BAIAP2: variants seen among roughly 807,000 people sequenced by gnomAD.
BAIAP2 encodes BAR/IMD domain containing adaptor protein 2, also known as BAR/IMD domain-containing adapter protein 2.
Under a neutral mutation model 63.0 loss-of-function variants are expected in BAIAP2, and 18 were observed. The ratio of observed to expected loss-of-function variants is 0.29; its 90% CI spans 0.20 to 0.42. BAIAP2 has a LOEUF of 0.42. Among genes scored for constraint, BAIAP2 ranks in the 10% least tolerant of loss-of-function variants. BAIAP2 has a pLI of 1.00. For synonymous variants in BAIAP2, 386 were observed against 307.6 expected (o/e 1.25, Z -2.67); for missense variants, 610 against 734.3 (o/e 0.83, Z 1.96).
chr17:81,044,992 T>C (rs573774110), intron 1 of BAIAP2, among the ~76,000 whole-genome samples: 33 of 152,294 alleles, frequency 2.2e-4, no homozygotes, highest in African/African-American at 7.0e-4. Flanking sequence ...TCTGTCCCCA[T>C]TGAAGCTGGG....
At chr17:81,077,903 T>G (rs2053934690) in intron 3 of BAIAP2, among the ~76,000 whole-genome samples, 1 of 149,710 alleles carries the variant, frequency 6.7e-6, no homozygotes, top group African/African-American at 2.5e-5. Flanking sequence ...ATCTGGGCAC[T>G]CTGGGTGCAG....
chr17:81,038,033 T>G (rs1324824354), intron 1 of BAIAP2, among the ~76,000 whole-genome samples: 1 of 152,204 alleles, frequency 6.6e-6, no homozygotes, highest in East Asian at 1.9e-4. Context: ...GAACATAATC[T>G]CAGACCTTCT....
intron 1 of BAIAP2, among the ~76,000 whole-genome samples, chr17:81,047,813 C>T (rs981780679): frequency 6.6e-6 from 1 of 152,238 alleles, no homozygotes; most frequent in African/African-American, 2.4e-5. Context: ...ACACAGGGGT[C>T]CACATGCATC....
intron 13 of BAIAP2, chr17:81,109,328 C>T (rs957781845): frequency 1.1e-5 from 13 of 1,150,722 alleles, no homozygotes; most frequent in Non-Finnish European, 1.4e-5. Flanking sequence ...TTTTCTAAGG[C>T]TCGCCGTGAG....
chr17:81,102,120 C>G (rs560352116), intron 7 of BAIAP2, among the ~76,000 whole-genome samples: 1 of 152,186 alleles, frequency 6.6e-6, no homozygotes, highest in Non-Finnish European at 1.5e-5. Flanking sequence ...GGCCCCCGGG[C>G]GTGTGTGGAA....
intron 1 of BAIAP2, among the ~76,000 whole-genome samples, chr17:81,050,077 G>A (rs749695792): frequency 5.9e-5 from 9 of 152,230 alleles, no homozygotes; most frequent in Admixed American, 1.3e-4. Context: ...GGAGAGGGAG[G>A]AACCCGGAGG....
intron 1 of BAIAP2, among the ~76,000 whole-genome samples, chr17:81,036,355 C>G (rs997975899): frequency 1.3e-5 from 2 of 152,120 alleles, no homozygotes; most frequent in Non-Finnish European, 2.9e-5. Flanking sequence ...GGGTATTTAC[C>G]CGGCAGTCGC....
At chr17:81,036,108 C>T (rs1004522628) in intron 1 of BAIAP2, 1 of 152,318 alleles carries the variant, frequency 6.6e-6, no homozygotes, top group Non-Finnish European at 1.5e-5. Context: ...CCTGCCGCCC[C>T]CTCCCCAGTC....
At chr17:81,087,518 G>C (rs953849242) in intron 6 of BAIAP2, 1 of 152,240 alleles carries the variant, frequency 6.6e-6, no homozygotes, top group Admixed American at 6.5e-5. Context: ...CTTAACTGCA[G>C]GGAAGCCAAG....
At chr17:81,061,975 C>T (rs2050632056) in intron 3 of BAIAP2, among the ~76,000 whole-genome samples, 1 of 152,188 alleles carries the variant, frequency 6.6e-6, no homozygotes, top group African/African-American at 2.4e-5. Context: ...CCGAATCTCA[C>T]TCTGTCACCC....
At chr17:81,067,284 C>G (rs928273556) in intron 3 of BAIAP2, among the ~76,000 whole-genome samples, 2 of 152,248 alleles carry the variant, frequency 1.3e-5, no homozygotes, top group African/African-American at 4.8e-5. Context: ...CCCTGCCTCC[C>G]GCCCCATGGG....
chr17:81,101,046 C>A (rs1307370884), intron 7 of BAIAP2, among the ~76,000 whole-genome samples: 3 of 151,194 alleles, frequency 2.0e-5, no homozygotes, highest in African/African-American at 7.3e-5. Flanking sequence ...CGCTAGGCGT[C>A]CCCCGGCACA....
Position 81,097,005 on chromosome 17 carries a change from G to A in BAIAP2, c.490-2923G>A, listed in dbSNP as rs556155210. Among the ~76,000 whole-genome samples the A allele has an allele frequency of 5.9e-5, 9 of 152,344 alleles. No homozygotes were observed. The East Asian group carries it at 1.5e-3, about 26-fold the overall frequency. ...GGAGGAGGAGGAGGAGGCAGCGGCA[G>A]TGGGGGTGGCGGCAGAGGCCTCAGC... is the stretch of plus-strand genomic sequence containing the variant. On this transcript the variant is annotated intron_variant, in intron 6 of 13. Coordinates refer to ENST00000428708, the MANE Select transcript of BAIAP2 (RefSeq NM_001144888.2).
chr17:81,037,042 C>G (rs2143247026), intron 1 of BAIAP2: 1 of 1,167,856 alleles, frequency 8.6e-7, no homozygotes, highest in Non-Finnish European at 1.2e-6. Flanking sequence ...GGGCAGTAGG[C>G]CTTCACCTAG....
intron 3 of BAIAP2, among the ~76,000 whole-genome samples, chr17:81,074,637 A>G (rs984297287): frequency 7.0e-6 from 1 of 142,986 alleles, no homozygotes; most frequent in Non-Finnish European, 1.5e-5. Context: ...GCGTGCACGG[A>G]TGCGTTGAGT....
At chr17:81,100,179 C>T in intron 7 of BAIAP2, 99 bp downstream of exon 7, 7 of 1,424,886 alleles carry the variant, frequency 4.9e-6, no homozygotes, top group Non-Finnish European at 6.5e-6. Context: ...CACACCGGGG[C>T]AGTGTCCAGG....
chr17:81,035,697 C>T (rs886872095), intron 1 of BAIAP2, among the ~76,000 whole-genome samples: 2 of 151,702 alleles, frequency 1.3e-5, no homozygotes, highest in Non-Finnish European at 2.9e-5. Flanking sequence ...GTAGCACACC[C>T]GGGCAGGGCC....
intron 13 of BAIAP2, among the ~76,000 whole-genome samples, chr17:81,114,378 A>G (rs1252572865): frequency 6.6e-6 from 1 of 152,092 alleles, no homozygotes; most frequent in Admixed American, 6.5e-5. Context: ...TGGCAGGCAG[A>G]CAGGGCATGG....
At chr17:81,111,527 C>G (rs1828909823) in intron 13 of BAIAP2, among the ~76,000 whole-genome samples, 1 of 152,238 alleles carries the variant, frequency 6.6e-6, no homozygotes, top group Admixed American at 6.5e-5. Flanking sequence ...CAACGTGGAC[C>G]CAAGACACTG....
Sources: gnomAD v4.1 joint callset for allele counts (sites outside exome capture counted in the v4.1 genomes callset) on GRCh38, gnomAD v4.1.1 for gene constraint, MANE v1.5 for transcripts, NCBI Gene and HGNC (gene_info 2026-07-23, HGNC 2026-07-21) for gene names.